Variants in MTBP observed in about 807,000 individuals in gnomAD.
The protein encoded by MTBP is MDM2 binding protein, also known as mdm2-binding protein.
MTBP carries 101 observed loss-of-function variants against 117.0 expected under a neutral mutation model. The ratio of observed to expected loss-of-function variants is 0.86; its 90% CI spans 0.73 to 1.02. MTBP has a LOEUF of 1.02. Ranked by LOEUF, MTBP falls within the 50% of genes least tolerant of loss-of-function variation. The pLI is 0.00. For missense variants in MTBP, 970 were observed against 1,030.9 expected, an observed-to-expected ratio of 0.94 and a Z score of 0.81; for synonymous variants, 350 against 351.5, an observed-to-expected ratio of 1.00 and a Z score of 0.05.
Position 120,497,631 on chromosome 8 carries a change from T to C in MTBP, c.1609+77T>C, listed in dbSNP as rs548269172. ...ACATTTATTATTAAAACTTATAAAA[T>C]GTATTGGTCAAATCAAAATGTATTT... On this transcript the variant is annotated intron_variant, in intron 14 of 21. Transcript: ENST00000305949. 6 of 874,580 alleles carry C rather than the reference T, an allele frequency of 6.9e-6. No individual in the cohort carries two copies. In the East Asian group the frequency reaches 1.1e-4, roughly 16 times the overall value. The allele number at this position is 874,580 out of a possible 1,614,324, so 54.2% of individuals were successfully genotyped here.
intron 10 of MTBP, among the ~76,000 whole-genome samples, chr8:120,468,663 T>C (rs541266851): frequency 2.3e-4 from 35 of 152,268 alleles, no homozygotes; most frequent in Admixed American, 1.5e-3. Context: ...TGGAGAAGAA[T>C]TGGGCCCTTT....
At chr8:120,482,066 A>C (rs1259375365) in intron 11 of MTBP, among the ~76,000 whole-genome samples, 4 of 152,188 alleles carry the variant, frequency 2.6e-5, no homozygotes, top group Non-Finnish European at 5.9e-5. Flanking sequence ...TTATTTAAAA[A>C]TGTCAAGCTG....
chr8:120,488,333 G>GT lies in MTBP; in HGVS notation c.1339+2dup, dbSNP rs759192517. ...ACAAAGACAGAAGAAGCCAAATTGA[G>GT]TAAGTGTTAACTTCAGGTAGAAAAA... On this transcript the variant is annotated splice_donor_variant, in intron 12 of 21. Coordinates refer to ENST00000305949, the MANE Select transcript of MTBP (RefSeq NM_022045.5). LOFTEE classifies it high-confidence loss of function. The GT allele has an allele frequency of 9.1e-6, 14 of 1,534,836 alleles. No individual in the cohort carries two copies. Among genetic ancestry groups the GT allele is most frequent in the African/African-American group, 1.4e-5 (1 of 70,640 alleles).
Position 120,517,469 on chromosome 8 carries a change from G to A in MTBP, c.2247-382G>A, listed in dbSNP as rs534926213. On this transcript the variant is annotated intron_variant, in intron 18 of 21. Transcript: ENST00000305949. ...GCTTTCTCTATTAGCCAAAATCCTA[G>A]TTTGCTATTCATTACCTTCTATGTG... 2.0e-5 allele frequency among the ~76,000 whole-genome samples: 3 copies of A among 151,988 alleles called. No homozygotes were observed. In the East Asian group the frequency reaches 5.8e-4, roughly 29 times the overall value.
intron 1 of MTBP, among the ~76,000 whole-genome samples, chr8:120,445,900 T>G (rs2130496664): frequency 6.6e-6 from 1 of 152,330 alleles, no homozygotes; most frequent in Non-Finnish European, 1.5e-5. Context: ...TTTCTGCTCC[T>G]GTGTTTCACA....
chr8:120,518,786 G>T lies in MTBP; in HGVS notation c.2579G>T (p.Arg860Leu), dbSNP rs142443977. 7 of 1,611,338 alleles carry T rather than the reference G, an allele frequency of 4.3e-6. No individual in the cohort carries two copies. In the East Asian group the frequency reaches 1.3e-4, roughly 31 times the overall value. ...GAATGTTTCACTGCATGCAGCCAGC[G>T]TCTCTTTGAAATCTCTAAGTTCTAT... is the stretch of plus-strand genomic sequence containing the variant. ...THECFTACSQ[R>L]LFEISKFYLK... Residue 860 changes from arginine to leucine, a missense_variant, in exon 20 of 22, where the codon CGT (arginine) becomes CTT (leucine). By Grantham distance (102) the Arg-to-Leu change is moderately radical. Coordinates refer to ENST00000305949, the MANE Select transcript of MTBP (RefSeq NM_022045.5).
intron 16 of MTBP, 61 bp from the exon 17 acceptor site, chr8:120,509,872 CT>C: frequency 8.5e-7 from 1 of 1,173,562 alleles, no homozygotes. Flanking sequence ...TAGATACTTT[CT>C]TTAACTTTCT....
At position 120,523,371 on chromosome 8, in the gene MTBP, G is replaced by A; in HGVS notation, c.*35G>A. On this transcript the variant is annotated 3_prime_UTR_variant, in exon 22 of 22. Transcript: ENST00000305949. ...ATTCTCTTTAAGACAATTATAAATT[G>A]GATGGAGCTATTATTCACTACTTCT... 1.5e-6 allele frequency: 2 copies of A among 1,345,440 alleles called. No homozygotes were observed. The highest frequency in any genetic ancestry group is 2.0e-6 in the Non-Finnish European group (2 of 977,862). 83.3% of individuals were successfully genotyped at this position (1,345,440 alleles called of 1,614,324 possible). A position where few individuals can be genotyped will look rare whatever the true frequency, so the allele number is the denominator to read the frequency against.
intron 7 of MTBP, among the ~76,000 whole-genome samples, chr8:120,457,748 C>G (rs1053253014): frequency 1.3e-5 from 2 of 151,996 alleles, no homozygotes; most frequent in Admixed American, 6.6e-5. Context: ...CACGGTAAAA[C>G]CTCGTCTCTA....
intron 13 of MTBP, among the ~76,000 whole-genome samples, chr8:120,496,418 A>C (rs1814459168): frequency 6.6e-6 from 1 of 152,202 alleles, no homozygotes; most frequent in South Asian, 2.1e-4. Context: ...GCTTACTTCT[A>C]AAGTAATATC....
At chr8:120,510,900 C>T (rs1394316523) in intron 17 of MTBP, among the ~76,000 whole-genome samples, 1 of 150,670 alleles carries the variant, frequency 6.6e-6, no homozygotes, top group African/African-American at 2.4e-5. Context: ...CAGAATGAGA[C>T]CCTGTCTCAA....
intron 6 of MTBP, 146 bp downstream of exon 6, chr8:120,455,725 G>A (rs575267077): frequency 2.8e-6 from 2 of 705,726 alleles, no homozygotes; most frequent in South Asian, 3.6e-5. Flanking sequence ...GCAAATTTGT[G>A]TATTGAGAAG....
intron 12 of MTBP, among the ~76,000 whole-genome samples, chr8:120,489,044 C>CTTTTTTTTTTTTTTT (rs71306887): frequency 3.9e-5 from 5 of 128,074 alleles, no homozygotes; most frequent in Non-Finnish European, 8.4e-5. Context: ...AGACTGACTT[C>CTTTTTTTTTTTTTTT]TTTTTTTTTT....
chr8:120,493,709 T>G (rs1038497680), intron 13 of MTBP, among the ~76,000 whole-genome samples: 10 of 152,138 alleles, frequency 6.6e-5, no homozygotes, highest in Non-Finnish European at 5.9e-5. Context: ...CAGGCTGGTC[T>G]CGAACTCTGG....
Position 120,497,585 on chromosome 8 carries a change from C to T in MTBP, c.1609+31C>T, listed in dbSNP as rs202119838. On this transcript the variant is annotated intron_variant, in intron 14 of 21. Coordinates refer to ENST00000305949, the MANE Select transcript of MTBP (RefSeq NM_022045.5). ...TTTTTTATTACTTTAAATTTTAGTT[C>T]GTGTGTGTGTGGCAACTATGACATT... The T allele has an allele frequency of 1.7e-5, 22 of 1,327,912 alleles. No individual in the cohort carries two copies. The South Asian group carries it at 1.8e-4, about 11-fold the overall frequency. The allele number at this position is 1,327,912 out of a possible 1,614,324, so 82.3% of individuals were successfully genotyped here.
chr8:120,521,646 A>G (rs926679562), intron 20 of MTBP, among the ~76,000 whole-genome samples: 5 of 152,224 alleles, frequency 3.3e-5, no homozygotes, highest in East Asian at 1.9e-4. Context: ...GAAGTACAAC[A>G]GATAACTGCT....
At position 120,509,471 on chromosome 8, in the gene MTBP, G is replaced by A. The variant is rs1024672308; in HGVS notation, c.1884-463G>A. Among the ~76,000 whole-genome samples, 4 of 152,110 alleles carry A rather than the reference G, an allele frequency of 2.6e-5. No homozygotes were observed. In the South Asian group the frequency reaches 6.2e-4, roughly 24 times the overall value. On this transcript the variant is annotated intron_variant, in intron 16 of 21. Coordinates refer to ENST00000305949, the MANE Select transcript of MTBP (RefSeq NM_022045.5). ...ACAAAAATTAGTTGGACATGGGAGC[G>A]GGTGCCTGTAATTCTAGCTACTCGG... is the stretch of plus-strand genomic sequence containing the variant.
At chr8:120,459,384 T>C (rs1418397730) in intron 8 of MTBP, 35 bp downstream of exon 8, 1 of 1,567,766 alleles carries the variant, frequency 6.4e-7, no homozygotes, top group Non-Finnish European at 8.6e-7. Context: ...TGATCATTCA[T>C]GTGTATTTTT....
chr8:120,486,237 T>C (rs1369566121), intron 11 of MTBP, among the ~76,000 whole-genome samples: 1 of 152,156 alleles, frequency 6.6e-6, no homozygotes, highest in African/African-American at 2.4e-5. Flanking sequence ...CAAGTCTCCA[T>C]AGTTTTTGAG....
Sources: gnomAD v4.1 joint callset for allele counts (sites outside exome capture counted in the v4.1 genomes callset) on GRCh38, gnomAD v4.1.1 for gene constraint, MANE v1.5 for transcripts, NCBI Gene and HGNC (gene_info 2026-07-23, HGNC 2026-07-21) for gene names.